The following CEP112 variants were observed in gnomAD, a reference collection of about 807,000 sequenced individuals.
CEP112 encodes centrosomal protein of 112 kDa.
CEP112 carries 127 observed loss-of-function variants against 153.0 expected under a neutral mutation model. The ratio of observed to expected loss-of-function variants is 0.83; its 90% CI spans 0.72 to 0.96. CEP112 has a LOEUF of 0.96. Ranked by LOEUF, CEP112 falls within the 40% of genes least tolerant of loss-of-function variation. The pLI is 0.00. For missense variants in CEP112, 1,089 were observed against 1,101.2 expected (o/e 0.99, Z 0.16); for synonymous variants, 358 against 374.4 (o/e 0.96, Z 0.51).
rs531598020 is a variant in CEP112 at position 65,755,701 on chromosome 17, C to G, written c.2395-4977G>C. ...TACCGTATAATGGAAAGAGATGAGT[C>G]AAGGATGACTTCAAGATTTTTGTCC... On this transcript the variant is annotated intron_variant, in intron 21 of 26. Transcript: ENST00000535342. Among the ~76,000 whole-genome samples the G allele has an allele frequency of 2.6e-5, 4 of 151,720 alleles. No individual in the cohort carries two copies. In the South Asian group the frequency reaches 8.4e-4, roughly 32 times the overall value.
chr17:66,184,881 A>C lies in CEP112; in HGVS notation c.-8-1574T>G, dbSNP rs115106389. ...ACTAGATAAACTGTGGCATATCCAC[A>C]CAATAACATAGTACTCAGCAACAGA... On this transcript the variant is annotated intron_variant, in intron 1 of 26. Coordinates refer to ENST00000535342, the MANE Select transcript of CEP112 (RefSeq NM_001199165.4). Among the ~76,000 whole-genome samples, 1,339 of 152,360 alleles carry C rather than the reference A, an allele frequency of 8.8e-3. 30 individuals are homozygous for C. Among genetic ancestry groups the C allele is most frequent in the African/African-American group, 0.03 (1,266 of 41,582 alleles).
intron 16 of CEP112, among the ~76,000 whole-genome samples, chr17:66,016,883 C>T (rs1199736797): frequency 6.6e-6 from 1 of 152,108 alleles, no homozygotes; most frequent in African/African-American, 2.4e-5. Flanking sequence ...CGAGTCCAAG[C>T]TCATAATCAG....
At chr17:66,106,516 T>C (rs946944307) in intron 6 of CEP112, among the ~76,000 whole-genome samples, 2 of 152,048 alleles carry the variant, frequency 1.3e-5, no homozygotes, top group African/African-American at 4.8e-5. Flanking sequence ...TATGAGCAAC[T>C]ATATGCTAAT....
intron 20 of CEP112, among the ~76,000 whole-genome samples, chr17:65,877,221 C>A (rs1476258295): frequency 6.6e-6 from 1 of 152,190 alleles, no homozygotes; most frequent in Non-Finnish European, 1.5e-5. Flanking sequence ...GCCTGCTAAG[C>A]CCAAGTGCAG....
At chr17:66,014,005 C>A (rs2064656617) in intron 16 of CEP112, among the ~76,000 whole-genome samples, 1 of 152,210 alleles carries the variant, frequency 6.6e-6, no homozygotes, top group Non-Finnish European at 1.5e-5. Flanking sequence ...CCAGAAATGG[C>A]AGCACTGCAA....
At chr17:65,823,664 C>A (rs2056701766) in intron 21 of CEP112, among the ~76,000 whole-genome samples, 1 of 152,092 alleles carries the variant, frequency 6.6e-6, no homozygotes, top group Non-Finnish European at 1.5e-5. Flanking sequence ...AGTCAGAATT[C>A]ATAAAAATTA....
At chr17:65,930,987 T>C (rs949747991) in intron 18 of CEP112, among the ~76,000 whole-genome samples, 1 of 152,238 alleles carries the variant, frequency 6.6e-6, no homozygotes, top group African/African-American at 2.4e-5. Flanking sequence ...ACATCTTTAT[T>C]CTTCTAGCAC....
At position 65,892,890 on chromosome 17, in the gene CEP112, T is replaced by C. The variant is rs183715446; in HGVS notation, c.2163+9262A>G. Among the ~76,000 whole-genome samples, 393 of 152,318 alleles carry C rather than the reference T, an allele frequency of 2.6e-3. 2 individuals carry two copies. Among genetic ancestry groups the C allele is most frequent in the Admixed American group, 4.2e-3 (65 of 15,296 alleles). On this transcript the variant is annotated intron_variant, in intron 20 of 26. Transcript: ENST00000535342. ...AAACATTTGGTGAACACATGCATTTTGTACATTAAATGACATCTTTGAAAA... is the reference window on the plus strand; with the variant it reads ...AAACATTTGGTGAACACATGCATTTCGTACATTAAATGACATCTTTGAAAA...
chr17:65,902,475 C>T lies in CEP112; in HGVS notation c.1981-141G>A, dbSNP rs1454182491. Reference sequence around the variant, plus strand: ...TCATTATTACCTCACCCTCGAAATACTCTCATTTGTTGGGGTGGTGGTTAT... The same window carrying T: ...TCATTATTACCTCACCCTCGAAATATTCTCATTTGTTGGGGTGGTGGTTAT... On this transcript the variant is annotated intron_variant, in intron 19 of 26. Transcript: ENST00000535342. 3 of 555,366 alleles carry T rather than the reference C, an allele frequency of 5.4e-6. No individual in the cohort carries two copies. In the African/African-American group the frequency reaches 5.8e-5, roughly 11 times the overall value. 34.4% of individuals were successfully genotyped at this position (555,366 alleles called of 1,614,324 possible). A position where few individuals can be genotyped will look rare whatever the true frequency, so the allele number is the denominator to read the frequency against.
chr17:65,921,892 T>TA (rs1164402467), intron 19 of CEP112, among the ~76,000 whole-genome samples: 1 of 149,590 alleles, frequency 6.7e-6, no homozygotes, highest in Non-Finnish European at 1.5e-5. Flanking sequence ...AATTTATATA[T>TA]TTTTTTTACA....
intron 12 of CEP112, 63 bp from the exon 13 acceptor site, chr17:66,030,086 AGAAGCTTG>A: frequency 7.3e-7 from 1 of 1,370,690 alleles, no homozygotes; most frequent in Non-Finnish European, 1.0e-6. Flanking sequence ...TGTATCTGTA[AGAAGCTTG>A]AGGAACACGT....
intron 6 of CEP112, among the ~76,000 whole-genome samples, chr17:66,125,985 C>T (rs2069830961): frequency 6.6e-6 from 1 of 152,112 alleles, no homozygotes. Flanking sequence ...AAGCTTCATT[C>T]AATGGAAGAT....
intron 8 of CEP112, among the ~76,000 whole-genome samples, chr17:66,073,126 G>C (rs777994468): frequency 2.3e-4 from 35 of 152,128 alleles, no homozygotes; most frequent in Non-Finnish European, 4.0e-4. Flanking sequence ...TAAAAATTAG[G>C]CTTGCAGATC....
intron 23 of CEP112, among the ~76,000 whole-genome samples, chr17:65,702,582 C>A: frequency 6.6e-6 from 1 of 152,066 alleles, no homozygotes; most frequent in East Asian, 1.9e-4. Flanking sequence ...TGTAATTGTT[C>A]TATTTTATTA....
chr17:65,923,203 G>A (rs1298462214), intron 19 of CEP112, among the ~76,000 whole-genome samples: 2 of 152,300 alleles, frequency 1.3e-5, no homozygotes, highest in East Asian at 1.9e-4. Flanking sequence ...GGCTTTTGCA[G>A]TTAGAAAGTC....
At chr17:66,042,732 G>T (rs1365868754) in intron 12 of CEP112, among the ~76,000 whole-genome samples, 2 of 152,136 alleles carry the variant, frequency 1.3e-5, no homozygotes, top group Admixed American at 1.3e-4. Context: ...TACTTATTGT[G>T]AAAAGTGTAC....
Position 65,765,374 on chromosome 17 carries a change from G to A in CEP112, c.2395-14650C>T, listed in dbSNP as rs572615478. ...TATTTCCTTCCTTTTTTAGGTGCTTGTAAAACAGTTTTTCTTGGTAGGCTC... is the reference window on the plus strand; with the variant it reads ...TATTTCCTTCCTTTTTTAGGTGCTTATAAAACAGTTTTTCTTGGTAGGCTC... On this transcript the variant is annotated intron_variant, in intron 21 of 26. Coordinates refer to ENST00000535342, the MANE Select transcript of CEP112 (RefSeq NM_001199165.4). Among the ~76,000 whole-genome samples the A allele has an allele frequency of 1.2e-3, 179 of 152,140 alleles. 1 individual carries two copies. The highest frequency in any genetic ancestry group is 4.1e-3 in the African/African-American group (172 of 41,518).
At chr17:65,831,058 G>A (rs763774377) in intron 21 of CEP112, among the ~76,000 whole-genome samples, 18 of 152,200 alleles carry the variant, frequency 1.2e-4, no homozygotes, top group Non-Finnish European at 2.6e-4. Flanking sequence ...CTGATGCTAA[G>A]TAGTAAAGGT....
intron 17 of CEP112, 114 bp from the exon 18 acceptor site, chr17:65,961,712 A>C: frequency 1.0e-6 from 1 of 964,484 alleles, no homozygotes; most frequent in Non-Finnish European, 1.5e-6. Context: ...TTTTTGATCC[A>C]AATCCTACAA....
Sources: gnomAD v4.1 joint callset for allele counts (sites outside exome capture counted in the v4.1 genomes callset) on GRCh38, gnomAD v4.1.1 for gene constraint, MANE v1.5 for transcripts, NCBI Gene and HGNC (gene_info 2026-07-23, HGNC 2026-07-21) for gene names.